MAGI2: variants seen among roughly 807,000 people sequenced by gnomAD.
The protein encoded by MAGI2 is membrane associated guanylate kinase, WW and PDZ domain containing 2, also known as membrane-associated guanylate kinase, WW and PDZ domain-containing protein 2.
A neutral mutation model predicts 133.3 loss-of-function variants in MAGI2; 35 were observed. That is an observed-to-expected ratio of 0.26 (90% confidence interval 0.20 to 0.35). The LOEUF is 0.35. Among genes scored for constraint, MAGI2 ranks in the 10% least tolerant of loss-of-function variants. MAGI2 has a pLI of 1.00. For missense variants in MAGI2, 1,636 were observed against 1,863.4 expected, an observed-to-expected ratio of 0.88 and a Z score of 2.25; for synonymous variants, 729 against 710.6, an observed-to-expected ratio of 1.03 and a Z score of -0.41.
intron 20 of MAGI2, among the ~76,000 whole-genome samples, chr7:78,108,860 T>C (rs1253009036): frequency 6.6e-6 from 1 of 152,078 alleles, no homozygotes; most frequent in African/African-American, 2.4e-5. Flanking sequence ...AATATATCTA[T>C]ATCTATATAT....
intron 6 of MAGI2, among the ~76,000 whole-genome samples, chr7:78,445,905 C>T (rs540601235): frequency 6.6e-6 from 1 of 151,402 alleles, no homozygotes; most frequent in South Asian, 2.1e-4. Context: ...ATATTTGTTT[C>T]CTTAAGCCTA....
intron 2 of MAGI2, among the ~76,000 whole-genome samples, chr7:78,769,238 A>G (rs1317348679): frequency 6.7e-6 from 1 of 150,274 alleles, no homozygotes; most frequent in East Asian, 2.0e-4. Context: ...ACTTTCAGAG[A>G]TGGACGATAC....
intron 1 of MAGI2, among the ~76,000 whole-genome samples, chr7:79,103,101 C>G (rs897551913): frequency 3.3e-5 from 5 of 152,342 alleles, no homozygotes; most frequent in Admixed American, 3.3e-4. Flanking sequence ...CAATCAAGCT[C>G]TTAAACTACA....
intron 6 of MAGI2, among the ~76,000 whole-genome samples, chr7:78,481,615 A>T (rs1176876839): frequency 6.6e-6 from 1 of 151,890 alleles, no homozygotes; most frequent in Non-Finnish European, 1.5e-5. Flanking sequence ...GATGAACAGA[A>T]TCCAACAGTT....
Position 79,266,729 on chromosome 7 carries a change from G to T in MAGI2, c.301+186291C>A, listed in dbSNP as rs141852186. On this transcript the variant is annotated intron_variant, in intron 1 of 21. Transcript: ENST00000354212. The stretch of plus-strand genomic sequence containing the variant: ...CCATACTCGGGAAACTTTTTAAACA[G>T]TTGGTCAAGGTGACTATGGTCAGGG... Among the ~76,000 whole-genome samples, 12 of 152,250 alleles carry T rather than the reference G, an allele frequency of 7.9e-5. No individual in the cohort carries two copies. The East Asian group carries it at 2.1e-3, about 27-fold the overall frequency.
chr7:79,173,117 A>C (rs1275269303), intron 1 of MAGI2: 2 of 152,058 alleles, frequency 1.3e-5, no homozygotes, highest in Admixed American at 1.3e-4. Context: ...GAATTTTCTT[A>C]CATAAAATAA....
intron 9 of MAGI2, among the ~76,000 whole-genome samples, chr7:78,293,672 C>T (rs62463894): frequency 0.037 from 5,645 of 152,248 alleles, 160 homozygotes; most frequent in Middle Eastern, 0.065. Context: ...ATAGCAAAGA[C>T]TTGGAACCAA....
At chr7:78,523,994 C>T (rs1400104153) in intron 3 of MAGI2, among the ~76,000 whole-genome samples, 1 of 152,054 alleles carries the variant, frequency 6.6e-6, no homozygotes, top group East Asian at 1.9e-4. Context: ...GTGCAAACTG[C>T]CTCCATGAGA....
At chr7:79,038,112 A>G (rs975866704) in intron 1 of MAGI2, among the ~76,000 whole-genome samples, 1 of 152,164 alleles carries the variant, frequency 6.6e-6, no homozygotes, top group African/African-American at 2.4e-5. Flanking sequence ...TTATTTTATT[A>G]AAGGTTTTCA....
rs151304438 is a variant in MAGI2 at position 78,868,319 on chromosome 7, C to T, written c.418+138771G>A. Among the ~76,000 whole-genome samples the T allele has an allele frequency of 3.9e-5, 6 of 152,250 alleles. No individual in the cohort carries two copies. In the East Asian group the frequency reaches 1.2e-3, roughly 29 times the overall value. ...CTCAAAACAATTCTATTTGTTGTTA[C>T]ACTACTATATGTACTTTATAAAGGA... is the stretch of plus-strand genomic sequence containing the variant. On this transcript the variant is annotated intron_variant, in intron 2 of 21. Coordinates refer to ENST00000354212, the MANE Select transcript of MAGI2 (RefSeq NM_012301.4).
chr7:79,316,110 G>T (rs1020343287), intron 1 of MAGI2, among the ~76,000 whole-genome samples: 2 of 151,960 alleles, frequency 1.3e-5, no homozygotes, highest in Non-Finnish European at 2.9e-5. Flanking sequence ...CAAAAAGGAT[G>T]GGGGGCCAGG....
At chr7:78,535,876 C>CCT (rs74759585) in intron 3 of MAGI2, among the ~76,000 whole-genome samples, 45,123 of 147,592 alleles carry the variant, frequency 0.31, 7,559 homozygotes, top group South Asian at 0.49. Flanking sequence ...GTGTACACCC[C>CCT]CCCCGCCCAC....
At chr7:78,583,063 G>A (rs1232626847) in intron 3 of MAGI2, among the ~76,000 whole-genome samples, 2 of 152,180 alleles carry the variant, frequency 1.3e-5, no homozygotes, top group South Asian at 2.1e-4. Flanking sequence ...TACCACTCAA[G>A]TCAACACGGA....
intron 2 of MAGI2, among the ~76,000 whole-genome samples, chr7:78,988,523 C>T (rs561093013): frequency 2.6e-5 from 4 of 152,026 alleles, no homozygotes; most frequent in Non-Finnish European, 4.4e-5. Flanking sequence ...AACATGCTCA[C>T]TCTCTCTTAA....
intron 1 of MAGI2, among the ~76,000 whole-genome samples, chr7:79,330,305 T>C (rs1881296): frequency 0.57 from 86,367 of 150,454 alleles, 26,854 homozygotes; most frequent in Non-Finnish European, 0.69. Context: ...GCCATTCTTC[T>C]GCCTTAGCCT....
intron 2 of MAGI2, among the ~76,000 whole-genome samples, chr7:78,958,503 A>C (rs1023246160): frequency 6.6e-6 from 1 of 152,150 alleles, no homozygotes; most frequent in Non-Finnish European, 1.5e-5. Flanking sequence ...ACTCAATGAA[A>C]ATTGTGAAAA....
chr7:78,387,959 A>G (rs1428671991), intron 6 of MAGI2, among the ~76,000 whole-genome samples: 6 of 151,036 alleles, frequency 4.0e-5, no homozygotes, highest in Non-Finnish European at 8.9e-5. Flanking sequence ...TAAATAAATA[A>G]ATAAATAAAT....
chr7:79,344,040 G>A (rs1841119031), intron 1 of MAGI2, among the ~76,000 whole-genome samples: 1 of 152,060 alleles, frequency 6.6e-6, no homozygotes, highest in African/African-American at 2.4e-5. Context: ...AATTTTATAG[G>A]TAAGGTAAGT....
At chr7:78,993,868 C>T (rs375175618) in intron 2 of MAGI2, among the ~76,000 whole-genome samples, 8 of 151,936 alleles carry the variant, frequency 5.3e-5, no homozygotes, top group Non-Finnish European at 7.4e-5. Context: ...ATAAGAGCTT[C>T]GCAGAAGTTA....
Sources: allele counts gnomAD v4.1 joint callset (sites outside exome capture counted in the v4.1 genomes callset), GRCh38; gene constraint gnomAD v4.1.1; transcripts MANE v1.5; gene names NCBI Gene and HGNC (gene_info 2026-07-23, HGNC 2026-07-21).